Variants in GDPD1 observed in about 807,000 individuals in gnomAD.
GDPD1 encodes glycerophosphodiester phosphodiesterase domain containing 1.
GDPD1 carries 28 observed loss-of-function variants against 45.1 expected under a neutral mutation model. That is an observed-to-expected ratio of 0.62 (90% CI 0.46 to 0.85). The LOEUF (loss-of-function observed/expected upper bound fraction) is 0.85, where lower values mean the gene tolerates loss of function less well. GDPD1 is among the 40% of genes least tolerant of loss of function. The pLI, the probability that GDPD1 is intolerant of heterozygous loss-of-function variation, is 0.00. For synonymous variants in GDPD1, 139 were observed against 131.4 expected, an observed-to-expected ratio of 1.06 and a Z score of -0.40; for missense variants, 256 against 364.8, an observed-to-expected ratio of 0.70 and a Z score of 2.43.
At chr17:59,254,360 CAAA>C (rs1198335465) in intron 4 of GDPD1, among the ~76,000 whole-genome samples, 2 of 62,162 alleles carry the variant, frequency 3.2e-5, no homozygotes, top group Admixed American at 1.8e-4. Flanking sequence ...GACTCCGTCT[CAAA>C]AAAAAAAAAA....
chr17:59,254,598 C>G (rs1173646472), intron 4 of GDPD1, among the ~76,000 whole-genome samples: 5 of 151,938 alleles, frequency 3.3e-5, no homozygotes, highest in Non-Finnish European at 7.4e-5. Flanking sequence ...ATTATGTAGC[C>G]TATGATAAGT....
chr17:59,231,192 C>G (rs2047086395), intron 1 of GDPD1, among the ~76,000 whole-genome samples: 1 of 152,148 alleles, frequency 6.6e-6, no homozygotes, highest in South Asian at 2.1e-4. Context: ...TTCTGCTTAT[C>G]CACCAGCTGA....
intron 4 of GDPD1, among the ~76,000 whole-genome samples, chr17:59,250,436 C>T (rs1030564140): frequency 1.8e-4 from 27 of 151,992 alleles, no homozygotes; most frequent in Admixed American, 5.9e-4. Context: ...GCCTGGGCAA[C>T]ATAGCAAGAC....
chr17:59,243,992 C>G (rs1412994318), intron 2 of GDPD1, among the ~76,000 whole-genome samples: 1 of 151,992 alleles, frequency 6.6e-6, no homozygotes, highest in East Asian at 1.9e-4. Flanking sequence ...ATTCTTGCCT[C>G]CTCAGAAGAA....
chr17:59,272,765 T>C lies in GDPD1; in HGVS notation c.771-20T>C, dbSNP rs1449837695. 1 of 1,467,518 alleles carries C rather than the reference T, an allele frequency of 6.8e-7. No individual in the cohort carries two copies. The allele number at this position is 1,467,518 out of a possible 1,614,324, so 90.9% of individuals were successfully genotyped here. A position where few individuals can be genotyped will look rare whatever the true frequency, so the allele number is the denominator to read the frequency against. On this transcript the variant is annotated intron_variant, in intron 8 of 9. Coordinates refer to ENST00000284116, the MANE Select transcript of GDPD1 (RefSeq NM_182569.4). ...ACTAAGGACTAAATTCCTAAATCAG[T>C]TTTGCTTTTTCTTTTCTAGCTTACT...
At chr17:59,249,033 A>G in intron 4 of GDPD1, 1 of 302,316 alleles carries the variant, frequency 3.3e-6, no homozygotes. Context: ...TTCACTTCTA[A>G]AGCTTCAAAT....
Position 59,240,201 on chromosome 17 carries a change from G to A in GDPD1, c.186-5213G>A, listed in dbSNP as rs764903839. On this transcript the variant is annotated intron_variant, in intron 2 of 9. Transcript: ENST00000284116. Reference sequence around the variant, plus strand: ...AGCTACTCAGAAGGCTGAGGCAGGAGTATCGCTTGAACCTGGAGAGCGGAA... The same window carrying A: ...AGCTACTCAGAAGGCTGAGGCAGGAATATCGCTTGAACCTGGAGAGCGGAA... 5.8e-4 allele frequency among the ~76,000 whole-genome samples: 88 copies of A among 152,028 alleles called. 1 individual carries two copies. Among genetic ancestry groups the A allele is most frequent in the Admixed American group, 1.1e-3 (17 of 15,252 alleles).
intron 1 of GDPD1, among the ~76,000 whole-genome samples, chr17:59,221,470 A>C (rs1416600525): frequency 1.3e-5 from 2 of 151,372 alleles, no homozygotes; most frequent in African/African-American, 4.9e-5. Context: ...TAAATAAATA[A>C]ATAAATAAAC....
chr17:59,225,008 AC>A (rs1303080073), intron 1 of GDPD1, among the ~76,000 whole-genome samples: 1 of 152,118 alleles, frequency 6.6e-6, no homozygotes, highest in African/African-American at 2.4e-5. Context: ...CTCTTTTCAT[AC>A]ATTATTTTAT....
At chr17:59,249,556 A>G (rs1447874628) in intron 4 of GDPD1, among the ~76,000 whole-genome samples, 3 of 152,242 alleles carry the variant, frequency 2.0e-5, no homozygotes, top group African/African-American at 7.2e-5. Context: ...TCATTCAAAT[A>G]AAACATTTCC....
At chr17:59,229,184 C>T (rs974635445) in intron 1 of GDPD1, among the ~76,000 whole-genome samples, 2 of 148,122 alleles carry the variant, frequency 1.4e-5, no homozygotes, top group East Asian at 2.0e-4. Context: ...GACAGAGTCT[C>T]GCTCTGTCGC....
At chr17:59,262,193 T>G (rs2047362336) in intron 6 of GDPD1, among the ~76,000 whole-genome samples, 1 of 152,060 alleles carries the variant, frequency 6.6e-6, no homozygotes, top group Non-Finnish European at 1.5e-5. Flanking sequence ...GTGCTGGGAT[T>G]ACAGGCGTAC....
chr17:59,233,161 A>T (rs1367633218), intron 1 of GDPD1, among the ~76,000 whole-genome samples: 1 of 152,150 alleles, frequency 6.6e-6, no homozygotes, highest in Non-Finnish European at 1.5e-5. Context: ...GGTTGCAGTG[A>T]GCCGAGATCA....
intron 6 of GDPD1, among the ~76,000 whole-genome samples, chr17:59,263,693 C>T (rs2047377188): frequency 6.6e-6 from 1 of 150,724 alleles, no homozygotes; most frequent in African/African-American, 2.4e-5. Flanking sequence ...TTGGTCAGGC[C>T]GGTCTTGAAC....
chr17:59,223,490 A>G (rs1242874956), intron 1 of GDPD1, among the ~76,000 whole-genome samples: 1 of 152,208 alleles, frequency 6.6e-6, no homozygotes, highest in Non-Finnish European at 1.5e-5. Flanking sequence ...TGTAACTAGG[A>G]AGGAATCACT....
intron 4 of GDPD1, among the ~76,000 whole-genome samples, chr17:59,255,833 A>ACG (rs1442019786): frequency 3.6e-4 from 8 of 22,114 alleles, no homozygotes; most frequent in Admixed American, 9.5e-4. Flanking sequence ...ATATACGCGT[A>ACG]TATATATATA....
chr17:59,255,857 G>GTATATA (rs752195481), intron 4 of GDPD1, among the ~76,000 whole-genome samples: 3 of 40,874 alleles, frequency 7.3e-5, no homozygotes, highest in African/African-American at 4.4e-4. Flanking sequence ...ATATACACAC[G>GTATATA]TATATATATA....
intron 1 of GDPD1, among the ~76,000 whole-genome samples, chr17:59,224,198 C>T (rs1191447345): frequency 6.6e-6 from 1 of 152,066 alleles, no homozygotes; most frequent in Non-Finnish European, 1.5e-5. Flanking sequence ...TAAAATCATG[C>T]ATGGGTGAAA....
intron 2 of GDPD1, among the ~76,000 whole-genome samples, chr17:59,235,383 A>G (rs2047123770): frequency 6.6e-6 from 1 of 152,116 alleles, no homozygotes; most frequent in South Asian, 2.1e-4. Flanking sequence ...TCCTATTATT[A>G]TTAGGTACAA....
Sources: gnomAD v4.1 joint callset for allele counts (sites outside exome capture counted in the v4.1 genomes callset) on GRCh38, gnomAD v4.1.1 for gene constraint, MANE v1.5 for transcripts, NCBI Gene and HGNC (gene_info 2026-07-23, HGNC 2026-07-21) for gene names.